The following ATRNL1 variants were observed in gnomAD, a reference collection of about 807,000 sequenced individuals.
ATRNL1 encodes the protein attractin-like protein 1.
In ATRNL1, 95 loss-of-function variants were observed where a neutral mutation model predicts 182.7. The ratio of observed to expected loss-of-function variants is 0.52; its 90% CI spans 0.44 to 0.62. The LOEUF (loss-of-function observed/expected upper bound fraction) is 0.62, where lower values mean the gene tolerates loss of function less well. ATRNL1 is among the 20% of genes least tolerant of loss of function. The pLI, the probability that ATRNL1 is intolerant of heterozygous loss-of-function variation, is 0.00. For missense variants in ATRNL1, 1,471 were observed against 1,679.5 expected (o/e 0.88, Z 2.17); for synonymous variants, 576 against 568.3 (o/e 1.01, Z -0.19).
intron 5 of ATRNL1, among the ~76,000 whole-genome samples, chr10:115,153,306 T>C (rs1846334506): frequency 6.6e-6 from 1 of 152,200 alleles, no homozygotes; most frequent in Admixed American, 6.5e-5. Flanking sequence ...CAGCTCCTCC[T>C]TATACCTCTG....
chr10:115,383,827 A>G (rs1159416440), intron 19 of ATRNL1, among the ~76,000 whole-genome samples: 4 of 151,966 alleles, frequency 2.6e-5, no homozygotes, highest in Non-Finnish European at 5.9e-5. Flanking sequence ...GTATGTTCAA[A>G]TACTGTAAAA....
rs550483713 is a variant in ATRNL1 at position 115,462,666 on chromosome 10, A to G, written c.3417+631A>G. ...ATTCAAAGCATACTATATTAAATGTATTTTACTTTCCTTTATACCATTCCA... is the reference window on the plus strand; with the variant it reads ...ATTCAAAGCATACTATATTAAATGTGTTTTACTTTCCTTTATACCATTCCA... On this transcript the variant is annotated intron_variant, in intron 22 of 28. Coordinates refer to ENST00000355044, the MANE Select transcript of ATRNL1 (RefSeq NM_207303.4). Among the ~76,000 whole-genome samples, 3 of 152,110 alleles carry G rather than the reference A, an allele frequency of 2.0e-5. No individual in the cohort carries two copies. The South Asian group carries it at 6.2e-4, about 32-fold the overall frequency.
intron 24 of ATRNL1, among the ~76,000 whole-genome samples, chr10:115,480,987 A>T (rs1554974057): frequency 6.6e-6 from 1 of 150,868 alleles, no homozygotes; most frequent in Non-Finnish European, 1.5e-5. Flanking sequence ...AAATTTGAGT[A>T]AAGAAGATTT....
intron 8 of ATRNL1, among the ~76,000 whole-genome samples, chr10:115,192,626 G>A (rs1848210900): frequency 6.6e-6 from 1 of 152,004 alleles, no homozygotes; most frequent in South Asian, 2.1e-4. Flanking sequence ...TTTCTGTGAA[G>A]AATGTCATTA....
intron 9 of ATRNL1, among the ~76,000 whole-genome samples, chr10:115,240,888 C>CA (rs1177355243): frequency 6.6e-6 from 1 of 151,792 alleles, no homozygotes; most frequent in Non-Finnish European, 1.5e-5. Context: ...TTTGATTACA[C>CA]AAAAAATATA....
chr10:115,834,839 G>A (rs116731357), intron 27 of ATRNL1, among the ~76,000 whole-genome samples: 151 of 152,164 alleles, frequency 9.9e-4, no homozygotes, highest in African/African-American at 3.3e-3. Flanking sequence ...ATCTTAAAAG[G>A]ATTGATGTAA....
chr10:115,353,930 A>G (rs1322044915), intron 19 of ATRNL1, among the ~76,000 whole-genome samples: 1 of 152,024 alleles, frequency 6.6e-6, no homozygotes, highest in African/African-American at 2.4e-5. Flanking sequence ...ATCTTTTCAT[A>G]TTGTCTATCT....
intron 26 of ATRNL1, among the ~76,000 whole-genome samples, chr10:115,720,112 C>T (rs1351216618): frequency 5.3e-5 from 8 of 152,138 alleles, no homozygotes; most frequent in African/African-American, 1.7e-4. Flanking sequence ...ATCTGCCCGC[C>T]TTGGCCTCCC....
At chr10:115,209,488 G>T (rs1245330409) in intron 8 of ATRNL1, among the ~76,000 whole-genome samples, 1 of 148,064 alleles carries the variant, frequency 6.8e-6, no homozygotes, top group African/African-American at 2.5e-5. Flanking sequence ...ACTCCATCAT[G>T]GCCTAATGAA....
chr10:115,213,347 T>C (rs1849105306), intron 8 of ATRNL1, among the ~76,000 whole-genome samples: 1 of 152,124 alleles, frequency 6.6e-6, no homozygotes, highest in Non-Finnish European at 1.5e-5. Context: ...GCATATTTAC[T>C]GTAAGTAGTA....
intron 27 of ATRNL1, among the ~76,000 whole-genome samples, chr10:115,766,080 G>T (rs536114026): frequency 3.9e-5 from 6 of 152,140 alleles, no homozygotes; most frequent in Admixed American, 3.3e-4. Flanking sequence ...TAGCATGTTA[G>T]ATCCAAAAAG....
At chr10:115,545,080 A>G (rs1852570334) in intron 25 of ATRNL1, among the ~76,000 whole-genome samples, 1 of 152,048 alleles carries the variant, frequency 6.6e-6, no homozygotes, top group Admixed American at 6.6e-5. Flanking sequence ...TGAGACATTC[A>G]GTATTAGAAA....
Position 115,725,288 on chromosome 10 carries a change from A to AT in ATRNL1, c.3796-1953dup, listed in dbSNP as rs200580025. Among the ~76,000 whole-genome samples, 14 of 152,244 alleles carry AT rather than the reference A, an allele frequency of 9.2e-5. No individual in the cohort carries two copies. In the East Asian group the frequency reaches 2.7e-3, roughly 29 times the overall value. ...AATTGAACAAAAGTATCAGTCACTG[A>AT]TTTTTTTATGAGTTTTTGGGAGTCA... On this transcript the variant is annotated intron_variant, in intron 26 of 28. Coordinates refer to ENST00000355044, the MANE Select transcript of ATRNL1 (RefSeq NM_207303.4).
chr10:115,478,803 A>T (rs1418171194), intron 24 of ATRNL1, among the ~76,000 whole-genome samples: 1 of 151,776 alleles, frequency 6.6e-6, no homozygotes, highest in Non-Finnish European at 1.5e-5. Flanking sequence ...CTGAAATAAT[A>T]GTATTATAGT....
chr10:115,268,292 C>A, intron 12 of ATRNL1, 34 bp from the exon 13 acceptor site: 1 of 1,193,910 alleles, frequency 8.4e-7, no homozygotes. Flanking sequence ...TTTTCTTTTC[C>A]GTGCTGATAT....
chr10:115,922,522 G>A (rs1421943900), intron 28 of ATRNL1, among the ~76,000 whole-genome samples: 1 of 152,130 alleles, frequency 6.6e-6, no homozygotes, highest in Non-Finnish European at 1.5e-5. Context: ...ATAGAGTGCA[G>A]TGGTGCAGTC....
At chr10:115,127,169 T>G (rs1845009228) in intron 3 of ATRNL1, among the ~76,000 whole-genome samples, 1 of 152,164 alleles carries the variant, frequency 6.6e-6, no homozygotes, top group South Asian at 2.1e-4. Context: ...TGATGTAGAG[T>G]GTCTTCCAGC....
intron 19 of ATRNL1, among the ~76,000 whole-genome samples, chr10:115,382,446 A>G (rs1416972174): frequency 2.0e-5 from 3 of 151,894 alleles, no homozygotes; most frequent in Non-Finnish European, 4.4e-5. Context: ...ATACTATTTT[A>G]TATGAAATTA....
chr10:115,674,781 C>G (rs566323208), intron 26 of ATRNL1, among the ~76,000 whole-genome samples: 47 of 152,148 alleles, frequency 3.1e-4, no homozygotes, highest in Non-Finnish European at 6.3e-4. Context: ...TCTCACTTTT[C>G]TAAAAAAATG....
Sources: allele counts gnomAD v4.1 joint callset (sites outside exome capture counted in the v4.1 genomes callset), GRCh38; gene constraint gnomAD v4.1.1; transcripts MANE v1.5; gene names NCBI Gene and HGNC (gene_info 2026-07-23, HGNC 2026-07-21).